CACNA1E: variants seen among roughly 807,000 people sequenced by gnomAD.
CACNA1E encodes the protein voltage-dependent R-type calcium channel subunit alpha-1E.
CACNA1E carries 40 observed loss-of-function variants against 259.2 expected under a neutral mutation model. The observed-to-expected ratio is 0.15, with a 90% CI of 0.12 to 0.20. The LOEUF (loss-of-function observed/expected upper bound fraction) is 0.20. Ranked by LOEUF, CACNA1E falls within the 10% of genes least tolerant of loss-of-function variation. The pLI, the probability that CACNA1E is intolerant of heterozygous loss-of-function variation, is 1.00. For synonymous variants in CACNA1E, 1,104 were observed against 1,138.5 expected (o/e 0.97, Z 0.61); for missense variants, 1,874 against 3,040.1 (o/e 0.62, Z 9.02).
intron 2 of CACNA1E, among the ~76,000 whole-genome samples, chr1:181,439,168 A>C (rs1194988564): frequency 6.6e-6 from 1 of 152,162 alleles, no homozygotes. Context: ...TATGTCAGAG[A>C]TGGTACCCAT....
rs534810962 is a variant in CACNA1E, at chr1:181,383,774, G to A, written c.-14-29359G>A. On this transcript the variant is annotated intron_variant, in intron 1 of 11. Transcript: ENST00000524607. Reference sequence around the variant, plus strand: ...ACTATATTTCCCTGCCTCCCTTACGGGGTATGAACATGTGACCAAACTCTG... The same window carrying A: ...ACTATATTTCCCTGCCTCCCTTACGAGGTATGAACATGTGACCAAACTCTG... Among the ~76,000 whole-genome samples, 259 of 152,312 alleles carry A rather than the reference G, an allele frequency of 1.7e-3. 1 individual carries two copies. Among genetic ancestry groups the A allele is most frequent in the African/African-American group, 6.1e-3 (252 of 41,568 alleles).
chr1:181,598,419 A>C (rs1285483242), intron 6 of CACNA1E, among the ~76,000 whole-genome samples: 2 of 152,142 alleles, frequency 1.3e-5, no homozygotes. Flanking sequence ...GAAACCTTGT[A>C]GACATAGAAT....
At chr1:181,768,309 A>AG (rs1191585242) in intron 35 of CACNA1E, among the ~76,000 whole-genome samples, 1 of 152,126 alleles carries the variant, frequency 6.6e-6, no homozygotes, top group Non-Finnish European at 1.5e-5. Flanking sequence ...AGAGAGAGTG[A>AG]GGGGGGAGAA....
chr1:181,517,874 T>A (rs1403336196), intron 3 of CACNA1E, among the ~76,000 whole-genome samples: 1 of 152,180 alleles, frequency 6.6e-6, no homozygotes, highest in Non-Finnish European at 1.5e-5. Flanking sequence ...CTCAGCACTG[T>A]CTCTCTGAGG....
chr1:181,697,954 G>T (rs1025366644), intron 7 of CACNA1E, among the ~76,000 whole-genome samples: 11 of 152,174 alleles, frequency 7.2e-5, no homozygotes, highest in Non-Finnish European at 1.5e-4. Context: ...TGGGGTGGGG[G>T]TTATGGTCCA....
chr1:181,322,491 G>A (rs1215277905), intron 1 of CACNA1E, among the ~76,000 whole-genome samples: 1 of 152,214 alleles, frequency 6.6e-6, no homozygotes, highest in Non-Finnish European at 1.5e-5. Context: ...AGTTAGAGTT[G>A]TTTATGTGCA....
intron 3 of CACNA1E, among the ~76,000 whole-genome samples, chr1:181,513,227 C>A (rs771288973): frequency 6.6e-6 from 1 of 152,086 alleles, no homozygotes; most frequent in Non-Finnish European, 1.5e-5. Flanking sequence ...AAAAAAAATT[C>A]ACTGATTCAG....
chr1:181,574,957 G>A (rs921842753), intron 3 of CACNA1E, among the ~76,000 whole-genome samples: 3 of 151,910 alleles, frequency 2.0e-5, no homozygotes, highest in African/African-American at 7.3e-5. Context: ...CTCAGGAAGC[G>A]GAGGTTGCAG....
intron 6 of CACNA1E, among the ~76,000 whole-genome samples, chr1:181,621,809 G>T (rs1227860295): frequency 6.6e-6 from 1 of 152,176 alleles, no homozygotes; most frequent in Non-Finnish European, 1.5e-5. Flanking sequence ...GAGAGACTGA[G>T]TGACCTATTG....
intron 3 of CACNA1E, among the ~76,000 whole-genome samples, chr1:181,551,331 A>C (rs945865): frequency 1 from 151,686 of 152,298 alleles, 75,539 homozygotes; most frequent in Middle Eastern, 1. Flanking sequence ...AGGCAGTCAG[A>C]CTCAGTGGTT....
At chr1:181,360,668 G>A (rs1653797369) in intron 1 of CACNA1E, among the ~76,000 whole-genome samples, 1 of 152,082 alleles carries the variant, frequency 6.6e-6, no homozygotes, top group Non-Finnish European at 1.5e-5. Flanking sequence ...TAGTGGTGAT[G>A]GTTGTAAAAC....
intron 1 of CACNA1E, among the ~76,000 whole-genome samples, chr1:181,507,024 T>C (rs1308393205): frequency 6.6e-6 from 1 of 151,408 alleles, no homozygotes; most frequent in Non-Finnish European, 1.5e-5. Context: ...AGGGCATATA[T>C]ATCTGAACAA....
At chr1:181,363,804 AAG>A (rs890743956) in intron 1 of CACNA1E, among the ~76,000 whole-genome samples, 1 of 152,170 alleles carries the variant, frequency 6.6e-6, no homozygotes, top group Non-Finnish European at 1.5e-5. Context: ...AGGCATGCAG[AAG>A]CTGTGGTTTG....
intron 2 of CACNA1E, among the ~76,000 whole-genome samples, chr1:181,447,247 C>G (rs1452101968): frequency 6.6e-6 from 1 of 152,016 alleles, no homozygotes; most frequent in East Asian, 1.9e-4. Flanking sequence ...TAAATCTAGA[C>G]TGGGCATGGT....
At chr1:181,385,770 A>T (rs1571729522) in intron 1 of CACNA1E, among the ~76,000 whole-genome samples, 1 of 123,360 alleles carries the variant, frequency 8.1e-6, no homozygotes, top group Non-Finnish European at 1.7e-5. Flanking sequence ...CTCCTCTCTT[A>T]CTTCCCTCCC....
intron 1 of CACNA1E, among the ~76,000 whole-genome samples, chr1:181,405,027 T>C (rs989714016): frequency 1.3e-5 from 2 of 152,376 alleles, no homozygotes; most frequent in African/African-American, 4.8e-5. Context: ...AGCTGCAGCA[T>C]GAGGGGTTGC....
intron 45 of CACNA1E, among the ~76,000 whole-genome samples, chr1:181,794,439 C>T (rs1049992918): frequency 4.7e-5 from 7 of 148,656 alleles, no homozygotes; most frequent in Admixed American, 2.7e-4. Flanking sequence ...CTGGCAAGGG[C>T]GTTTAAAAAA....
intron 3 of CACNA1E, among the ~76,000 whole-genome samples, chr1:181,539,331 TA>T (rs1444819919): frequency 5.3e-5 from 8 of 152,214 alleles, no homozygotes; most frequent in Non-Finnish European, 1.2e-4. Context: ...GCCTGGCACT[TA>T]GTAGTCATTC....
rs568117932 is a variant in CACNA1E at position 181,334,542 on chromosome 1, A to C, written c.-15+16419A>C. ...TTCTTCAATCTTCGCTATGTCAGTT[A>C]ATGACAACACCATCCTTCTAATAGC... On this transcript the variant is annotated intron_variant, in intron 1 of 11. Transcript: ENST00000524607. Among the ~76,000 whole-genome samples, 52 of 152,310 alleles carry C rather than the reference A, an allele frequency of 3.4e-4. No homozygotes were observed. The Middle Eastern group carries it at 0.01, about 30-fold the overall frequency.
Sources: allele counts gnomAD v4.1 joint callset (sites outside exome capture counted in the v4.1 genomes callset), GRCh38; gene constraint gnomAD v4.1.1; transcripts MANE v1.5; gene names NCBI Gene and HGNC (gene_info 2026-07-23, HGNC 2026-07-21).